BRCA1: variants seen among roughly 807,000 people sequenced by gnomAD.
The protein encoded by BRCA1 is breast cancer type 1 susceptibility protein.
A neutral mutation model predicts 173.7 loss-of-function variants in BRCA1; 140 were observed. That is an observed-to-expected ratio of 0.81 (90% confidence interval 0.70 to 0.93). BRCA1 has a LOEUF of 0.93. Ranked by LOEUF, BRCA1 falls within the 40% of genes least tolerant of loss-of-function variation. The probability of loss-of-function intolerance (pLI) is 0.00; values close to 1 mark genes in which losing one functional copy is unlikely to be tolerated. For missense variants in BRCA1, 1,983 were observed against 2,172.5 expected (o/e 0.91, Z 1.73); for synonymous variants, 662 against 756.0 (o/e 0.88, Z 2.04).
At chr17:43,108,045 T>TA (rs994258768) in intron 3 of BRCA1, among the ~76,000 whole-genome samples, 219 of 150,548 alleles carry the variant, frequency 1.5e-3, no homozygotes, top group Non-Finnish European at 2.6e-3. Context: ...ATTAAGGGGC[T>TA]AAAAAAAAAG....
intron 10 of BRCA1, 176 bp from the exon 11 acceptor site, chr17:43,091,208 TC>T: frequency 1.2e-6 from 1 of 855,370 alleles, no homozygotes; most frequent in Non-Finnish European, 1.9e-6. Flanking sequence ...CAGAAGTAAG[TC>T]CACCAGTAAT....
intron 1 of BRCA1, among the ~76,000 whole-genome samples, chr17:43,143,928 A>G (rs1488855672): frequency 3.9e-5 from 6 of 152,004 alleles, no homozygotes; most frequent in Non-Finnish European, 1.5e-5. Flanking sequence ...AATAAATTAT[A>G]AAAAAAACCA....
chr17:43,108,791 A>G lies in BRCA1; in HGVS notation c.135-2258T>C, dbSNP rs4792977. The stretch of plus-strand genomic sequence containing the variant: ...ACACTTTGGGAGAGGTCAGGAGTTC[A>G]AGACCAGCCTGACCAACACGGAGAA... On this transcript the variant is annotated intron_variant, in intron 3 of 22. Coordinates refer to ENST00000357654, the MANE Select transcript of BRCA1 (RefSeq NM_007294.4). Among the ~76,000 whole-genome samples the G allele has an allele frequency of 0.31, 46,820 of 149,636 alleles. 7,643 individuals carry two copies. The highest frequency in any genetic ancestry group is 0.49 in the South Asian group (2,326 of 4,724).
chr17:43,080,311 C>G (rs185186295), intron 12 of BRCA1, among the ~76,000 whole-genome samples: 1 of 152,092 alleles, frequency 6.6e-6, no homozygotes, highest in Admixed American at 6.5e-5. Context: ...GGCCAGGCAC[C>G]GTAGCTCCCA....
rs397508929 is a variant in BRCA1 at position 43,093,517 on chromosome 17, T to C, written c.2014A>G (p.Lys672Glu). 1 of 1,614,100 alleles carries C rather than the reference T, an allele frequency of 6.2e-7. No individual in the cohort carries two copies. The highest frequency in any genetic ancestry group is 8.5e-7 in the Non-Finnish European group (1 of 1,180,014). ...TTCTTGGCTCCAGTTGCAGGTTCTT[T>C]ACCTTCCATGAGTTGTAGGTTTCTG... ...HSRNLQLMEG[K>E]EPATGAKKSN... Residue 672 changes from lysine (K) to glutamate (E), a missense_variant, in exon 10 of 23, where the codon AAA becomes GAA. Transcript: ENST00000357654.
intron 1 of BRCA1, among the ~76,000 whole-genome samples, chr17:43,151,210 A>G (rs1361004542): frequency 6.6e-6 from 1 of 152,220 alleles, no homozygotes; most frequent in East Asian, 1.9e-4. Context: ...CATCAGATTC[A>G]AATTTTATTT....
intron 7 of BRCA1, among the ~76,000 whole-genome samples, chr17:43,098,688 A>G (rs1296822141): frequency 6.6e-6 from 1 of 150,868 alleles, no homozygotes; most frequent in Non-Finnish European, 1.5e-5. Context: ...TTATTTTAAA[A>G]ATAGAGACAG....
chr17:43,073,766 A>ATATATT (rs1555581652), intron 14 of BRCA1, among the ~76,000 whole-genome samples: 1 of 151,020 alleles, frequency 6.6e-6, no homozygotes, highest in African/African-American at 2.4e-5. Flanking sequence ...ATATATATAT[A>ATATATT]TTTTTTGAGA....
In BRCA1 at chr17:43,074,515, G is replaced by T; in HGVS notation, c.4491C>A (p.Ser1497=). 6.2e-7 allele frequency: 1 copy of T among 1,613,446 alleles called. No individual in the cohort carries two copies. Among genetic ancestry groups the T allele is most frequent in the Non-Finnish European group, 8.5e-7 (1 of 1,179,438 alleles). ...KNKEPGVERS[S]PSKCPSLDDR... is the part of the protein sequence containing the mutation. ...CATCTAATGATGGGCATTTAGAAGG[G>T]GATGACCTAGAAAGATAAATGGAAG... is the stretch of plus-strand genomic sequence containing the variant. The change falls in exon 14 of 23, where the codon TCC becomes TCA. Residue 1497 remains serine, a synonymous_variant. Transcript: ENST00000357654.
At chr17:43,118,904 C>T (rs1006424076) in intron 2 of BRCA1, among the ~76,000 whole-genome samples, 4 of 152,002 alleles carry the variant, frequency 2.6e-5, no homozygotes, top group Admixed American at 6.6e-5. Flanking sequence ...GCTGGGACTA[C>T]AGGCGCGTGC....
intron 20 of BRCA1, among the ~76,000 whole-genome samples, chr17:43,049,907 G>A (rs752382877): frequency 1.3e-5 from 2 of 152,120 alleles, no homozygotes; most frequent in Non-Finnish European, 2.9e-5. Flanking sequence ...CTGACTGAAC[G>A]AAGGTTGACT....
chr17:43,123,354 T>G (rs967250488), intron 2 of BRCA1, among the ~76,000 whole-genome samples: 14 of 135,168 alleles, frequency 1.0e-4, no homozygotes, highest in African/African-American at 2.9e-4. Flanking sequence ...TCCATGTTTT[T>G]TTTTTTTTTT....
Position 43,091,466 on chromosome 17 carries a change from A to G in BRCA1, c.4065T>C (p.Asn1355=). ...EERGTGLEEN[N]QEEQSMDSNL... ...TTGAATCCATGCTTTGCTCTTCTTG[A>G]TTATTTTCTTCCAAGCCCGTTCCTC... is the stretch of plus-strand genomic sequence containing the variant. Residue 1355 remains asparagine, a synonymous_variant, in exon 10 of 23, where the codon AAT becomes AAC. Coordinates refer to ENST00000357654, the MANE Select transcript of BRCA1 (RefSeq NM_007294.4). 2 of 1,613,452 alleles carry G rather than the reference A, an allele frequency of 1.2e-6. No homozygotes were observed. Among genetic ancestry groups the G allele is most frequent in the East Asian group, 2.2e-5 (1 of 44,874 alleles).
rs2154292430 is a variant in BRCA1 at position 43,091,806 on chromosome 17, G to A, written c.3725C>T (p.Thr1242Ile). The change falls in exon 10 of 23, where the codon ACT (threonine) becomes ATT (isoleucine). Residue 1242 changes from threonine to isoleucine, a missense_variant. Thr to Ile is a moderately conservative substitution (Grantham distance 89, BLOSUM62 -1). Transcript: ENST00000357654. The part of the protein sequence containing the change: ...GKVNNIPSQS[T>I]RHSTVATECL... ...CTCGGTAGCAACGGTGCTATGCCTA[G>A]TAGACTGAGAAGGTATATTGTTTAC... The A allele has an allele frequency of 6.2e-7, 1 of 1,614,194 alleles. No individual in the cohort carries two copies. The highest frequency in any genetic ancestry group is 2.2e-5 in the East Asian group (1 of 44,882).
At chr17:43,115,960 G>T (rs112451052) in intron 2 of BRCA1, among the ~76,000 whole-genome samples, 181 bp from the exon 3 acceptor site, 201 of 152,304 alleles carry the variant, frequency 1.3e-3, no homozygotes, top group African/African-American at 4.6e-3. Context: ...ATACAGCAGA[G>T]AATACGATCC....
chr17:43,045,588 A>C lies in BRCA1; in HGVS notation c.*90T>G, dbSNP rs2050847072. ...AGTAGCCAGGACAGTAGAAGGACTG[A>C]AGAGTGAGAGGAGCTCCCAGGGCCT... On this transcript the variant is annotated 3_prime_UTR_variant, in exon 23 of 23. Coordinates refer to ENST00000357654, the MANE Select transcript of BRCA1 (RefSeq NM_007294.4). 6.4e-7 allele frequency: 1 copy of C among 1,551,864 alleles called. No homozygotes were observed.
intron 15 of BRCA1, 89 bp downstream of exon 15, chr17:43,070,839 A>T: frequency 7.0e-7 from 1 of 1,424,400 alleles, no homozygotes; most frequent in South Asian, 1.2e-5. Flanking sequence ...TTCTTCCTCT[A>T]GGTTATTAAT....
intron 6 of BRCA1, among the ~76,000 whole-genome samples, chr17:43,103,261 G>A (rs1473622422): frequency 6.6e-6 from 1 of 152,058 alleles, no homozygotes; most frequent in Non-Finnish European, 1.5e-5. Flanking sequence ...GAGGTCAGGA[G>A]TTCGAGACCA....
rs756499058 is a variant in BRCA1 at position 43,104,914 on chromosome 17, C to T, written c.255G>A (p.Glu85=). Residue 85 remains glutamate, a synonymous_variant, in exon 5 of 23, where the codon GAG becomes GAA. Transcript: ENST00000357654. ...ESTRFSQLVE[E]LLKIICAFQL... ...GAAAAGCACAAATGATTTTCAATAGCTCTTCAACAAGTTGACTAAATCTCG... is the reference window on the plus strand; with the variant it reads ...GAAAAGCACAAATGATTTTCAATAGTTCTTCAACAAGTTGACTAAATCTCG... 6.2e-7 allele frequency: 1 copy of T among 1,613,974 alleles called. No individual in the cohort carries two copies. The highest frequency in any genetic ancestry group is 8.5e-7 in the Non-Finnish European group (1 of 1,179,992).
Sources: allele counts gnomAD v4.1 joint callset (sites outside exome capture counted in the v4.1 genomes callset), GRCh38; gene constraint gnomAD v4.1.1; transcripts MANE v1.5; gene names NCBI Gene and HGNC (gene_info 2026-07-23, HGNC 2026-07-21).